Variants in LGALS8 observed in about 807,000 individuals in gnomAD.
LGALS8 encodes galectin 8, also known as galectin-8.
LGALS8 carries 30 observed loss-of-function variants against 35.9 expected under a neutral mutation model. The ratio of observed to expected loss-of-function variants is 0.83; its 90% CI spans 0.62 to 1.13. The LOEUF (loss-of-function observed/expected upper bound fraction) is 1.13. LGALS8 is among the 50% of genes most tolerant of loss of function. The pLI is 0.00. For synonymous variants in LGALS8, 138 were observed against 136.1 expected, an observed-to-expected ratio of 1.01 and a Z score of -0.10; for missense variants, 366 against 388.7, an observed-to-expected ratio of 0.94 and a Z score of 0.49.
At chr1:236,543,508 C>T (rs1662155679) in intron 7 of LGALS8, 52 bp from the exon 8 acceptor site, 3 of 1,315,636 alleles carry the variant, frequency 2.3e-6, no homozygotes, top group Middle Eastern at 1.8e-4. Context: ...CGAGTTTTCC[C>T]TGGAGATCGC....
chr1:236,521,059 T>C (rs1660534031), upstream of LGALS8, among the ~76,000 whole-genome samples: 1 of 152,196 alleles, frequency 6.6e-6, no homozygotes, highest in African/African-American at 2.4e-5. Context: ...AACACATCAC[T>C]GTATGTGTCC....
intron 7 of LGALS8, chr1:236,543,264 A>G: frequency 1.6e-6 from 1 of 635,072 alleles, no homozygotes; most frequent in South Asian, 1.8e-5. Flanking sequence ...AGAACACAGT[A>G]CTGCCTCAGA....
chr1:236,543,074 T>G, intron 7 of LGALS8: 1 of 1,590,222 alleles, frequency 6.3e-7, no homozygotes, highest in Non-Finnish European at 8.6e-7. Context: ...TAACTCTATA[T>G]AAAAATTAAG....
At chr1:236,520,377 T>C (rs1311314199), upstream of LGALS8, among the ~76,000 whole-genome samples, 1 of 62,168 alleles carries the variant, frequency 1.6e-5, no homozygotes, top group African/African-American at 4.4e-5. Context: ...TATCTTCTCT[T>C]TAAAAAAAAA....
chr1:236,530,759 C>T (rs1661097431), intron 2 of LGALS8, among the ~76,000 whole-genome samples: 1 of 152,218 alleles, frequency 6.6e-6, no homozygotes, highest in Non-Finnish European at 1.5e-5. Context: ...TTTTAAACTA[C>T]ATTTATGTCC....
rs750626581 is a variant in LGALS8, at chr1:236,552,906, T to TG, written c.*4750dup. On this transcript the variant is annotated 3_prime_UTR_variant, in exon 10 of 10. Coordinates refer to ENST00000366584, the MANE Select transcript of LGALS8 (RefSeq NM_201544.4). Reference sequence around the variant, plus strand: ...GTATAAAAACCTATGGTTTAAAATGTGGGGGTTCATCATAATAGTCTCATT... The same window carrying TG: ...GTATAAAAACCTATGGTTTAAAATGTGGGGGGTTCATCATAATAGTCTCATT... 9 of 152,188 alleles carry TG rather than the reference T, an allele frequency of 5.9e-5. No individual in the cohort carries two copies. The highest frequency in any genetic ancestry group is 4.8e-5 in the African/African-American group (2 of 41,446). 9.4% of individuals were successfully genotyped at this position (152,188 alleles called of 1,614,324 possible). A position where few individuals can be genotyped will look rare whatever the true frequency, so the allele number is the denominator to read the frequency against.
chr1:236,524,130 C>A (rs1316044420), intron 1 of LGALS8, 69 bp downstream of exon 1: 2 of 456,454 alleles, frequency 4.4e-6, no homozygotes, highest in Non-Finnish European at 8.8e-6. Context: ...CTGAGGGTCT[C>A]GCCAGTGGAG....
Position 236,543,641 on chromosome 1 carries a change from G to A in LGALS8, c.631G>A (p.Ala211Thr), listed in dbSNP as rs1662168579. 6.2e-7 allele frequency: 1 copy of A among 1,612,548 alleles called. No homozygotes were observed. Among genetic ancestry groups the A allele is most frequent in the Non-Finnish European group, 8.5e-7 (1 of 1,178,568 alleles). Residue 211 changes from alanine (A) to threonine (T), a missense_variant, in exon 8 of 10, where the codon GCC (alanine) becomes ACC (threonine). Physicochemically the swap from Ala to Thr is moderately conservative, Grantham distance 58. Transcript: ENST00000366584. ...VVVKGEVNAN[A>T]KSFNVDLLAG... is the part of the protein sequence containing the mutation. Reference sequence around the variant, plus strand: ...CGTTAAAGGAGAAGTGAATGCAAATGCCAAAAGGTCAGTATCCTTCGGTAC... The same window carrying A: ...CGTTAAAGGAGAAGTGAATGCAAATACCAAAAGGTCAGTATCCTTCGGTAC...
chr1:236,541,881 C>T (rs146772286), intron 6 of LGALS8, among the ~76,000 whole-genome samples, 171 bp downstream of exon 6: 3 of 152,270 alleles, frequency 2.0e-5, no homozygotes, highest in Admixed American at 6.5e-5. Context: ...TAAGTTTTTG[C>T]TGATGATTCA....
At chr1:236,543,741 C>A in intron 8 of LGALS8, 93 bp downstream of exon 8, 2 of 851,598 alleles carry the variant, frequency 2.3e-6, no homozygotes, top group African/African-American at 1.7e-5. Context: ...GGAAGAAGGG[C>A]TAGCGTCAGA....
At position 236,549,902 on chromosome 1, in the gene LGALS8, C is replaced by G. The variant is rs1662639317; in HGVS notation, c.*1741C>G. 1 of 152,204 alleles carries G rather than the reference C, an allele frequency of 6.6e-6. No individual in the cohort carries two copies. Among genetic ancestry groups the G allele is most frequent in the Non-Finnish European group, 1.5e-5 (1 of 68,038 alleles). The allele number at this position is 152,204 out of a possible 1,614,324, so 9.4% of individuals were successfully genotyped here. On this transcript the variant is annotated 3_prime_UTR_variant, in exon 10 of 10. Transcript: ENST00000366584. ...TTAGAAATATGCACTTCTATACTAG[C>G]AAGCTCTGTCTCTAAAATGCAAGTT...
intron 8 of LGALS8, among the ~76,000 whole-genome samples, chr1:236,544,259 A>AT (rs755715764): frequency 1.2e-4 from 19 of 152,176 alleles, no homozygotes; most frequent in East Asian, 9.6e-4. Context: ...CCCAGGCAAC[A>AT]TTTTTTAGGG....
chr1:236,548,916 A>C lies in LGALS8; in HGVS notation c.*755A>C. The C allele has an allele frequency of 2.5e-6, 1 of 398,666 alleles. No homozygotes were observed. The highest frequency in any genetic ancestry group is 4.4e-6 in the Non-Finnish European group (1 of 226,064). 24.7% of individuals were successfully genotyped at this position (398,666 alleles called of 1,614,324 possible). A position where few individuals can be genotyped will look rare whatever the true frequency, so the allele number is the denominator to read the frequency against. On this transcript the variant is annotated 3_prime_UTR_variant, in exon 10 of 10. Coordinates refer to ENST00000366584, the MANE Select transcript of LGALS8 (RefSeq NM_201544.4). ...CTGAAATTAACTTGATGCCAAGCCC[A>C]AGGCAGCTGATTTCTGTGTATTTGA... is the stretch of plus-strand genomic sequence containing the variant.
intron 2 of LGALS8, among the ~76,000 whole-genome samples, chr1:236,527,767 C>T (rs550206269): frequency 9.4e-4 from 143 of 151,586 alleles, no homozygotes; most frequent in African/African-American, 3.4e-3. Flanking sequence ...TATAGTTTCC[C>T]TCTGGTCACC....
chr1:236,531,169 G>A (rs533010010), intron 2 of LGALS8, among the ~76,000 whole-genome samples: 75 of 152,212 alleles, frequency 4.9e-4, no homozygotes, highest in African/African-American at 1.8e-3. Flanking sequence ...GTGAAGGGCT[G>A]TGTCTTTTTG....
rs917790071 is a variant in LGALS8, at chr1:236,549,664, A to C, written c.*1503A>C. The C allele has an allele frequency of 6.6e-6, 1 of 152,160 alleles. No individual in the cohort carries two copies. Among genetic ancestry groups the C allele is most frequent in the African/African-American group, 2.4e-5 (1 of 41,430 alleles). The allele number at this position is 152,160 out of a possible 1,614,324, so 9.4% of individuals were successfully genotyped here. On this transcript the variant is annotated 3_prime_UTR_variant, in exon 10 of 10. Coordinates refer to ENST00000366584, the MANE Select transcript of LGALS8 (RefSeq NM_201544.4). ...AGGGTGCCACAGGGAAAGCTGTAGA[A>C]GGCAAGAAGACTCGAGAATCCCCCA...
chr1:236,533,414 A>G (rs1253286217), intron 2 of LGALS8, among the ~76,000 whole-genome samples: 2 of 151,176 alleles, frequency 1.3e-5, no homozygotes, highest in Admixed American at 6.6e-5. Flanking sequence ...GGCTCATTGC[A>G]ACCTCCGCCT....
intron 2 of LGALS8, among the ~76,000 whole-genome samples, chr1:236,528,805 G>A (rs967289716): frequency 1.3e-5 from 2 of 151,902 alleles, no homozygotes; most frequent in Non-Finnish European, 1.5e-5. Flanking sequence ...ACAGGCATGA[G>A]CCACCATGCC....
At chr1:236,528,399 C>CG (rs989316385) in intron 2 of LGALS8, among the ~76,000 whole-genome samples, 1 of 150,390 alleles carries the variant, frequency 6.6e-6, no homozygotes, top group African/African-American at 2.4e-5. Flanking sequence ...AAAAAACCCC[C>CG]CCACACACAA....
Sources: allele counts gnomAD v4.1 joint callset (sites outside exome capture counted in the v4.1 genomes callset), GRCh38; gene constraint gnomAD v4.1.1; transcripts MANE v1.5; gene names NCBI Gene and HGNC (gene_info 2026-07-23, HGNC 2026-07-21).